ARVCF: variants seen among roughly 807,000 people sequenced by gnomAD.
ARVCF encodes the protein ARVCF delta catenin family member, also known as splicing regulator ARVCF.
ARVCF carries 66 observed loss-of-function variants against 90.9 expected under a neutral mutation model. The observed-to-expected ratio is 0.73, with a 90% CI of 0.60 to 0.89. The LOEUF is 0.89. ARVCF is among the 40% of genes least tolerant of loss of function. The probability of loss-of-function intolerance (pLI) is 0.00; values close to 1 mark genes in which losing one functional copy is unlikely to be tolerated. For missense variants in ARVCF, 1,469 were observed against 1,382.3 expected, an observed-to-expected ratio of 1.06 and a Z score of -1.00; for synonymous variants, 653 against 603.4, an observed-to-expected ratio of 1.08 and a Z score of -1.21.
intron 3 of ARVCF, among the ~76,000 whole-genome samples, chr22:19,988,526 G>A (rs545980204): frequency 2.0e-4 from 30 of 152,348 alleles, no homozygotes; most frequent in Non-Finnish European, 4.1e-4. Flanking sequence ...CTGTCTAGAG[G>A]AGGGGCCCCT....
chr22:19,975,137 C>G (rs1368396672), intron 11 of ARVCF, among the ~76,000 whole-genome samples: 1 of 152,232 alleles, frequency 6.6e-6, no homozygotes, highest in Non-Finnish European at 1.5e-5. Flanking sequence ...TACTCCCCCA[C>G]AGCCCTCCTG....
Position 19,971,891 on chromosome 22 carries a change from AG to A in ARVCF, c.2775del (p.Leu926Ter). On this transcript the variant is annotated frameshift_variant, in exon 18 of 20. Coordinates refer to ENST00000263207, the MANE Select transcript of ARVCF (RefSeq NM_001670.3). LOFTEE classifies it high-confidence loss of function. ...ACAGCCACATGACCACTTACTTTCA[AG>A]GGTTCCTTCTCAGAGGCCTCTCCTG... ...SSAGEASEKE[P>X]LKLDPSRKAP... The A allele has an allele frequency of 6.2e-7, 1 of 1,613,252 alleles. No homozygotes were observed. Among genetic ancestry groups the A allele is most frequent in the South Asian group, 1.1e-5 (1 of 91,088 alleles).
intron 16 of ARVCF, 136 bp downstream of exon 16, chr22:19,972,601 G>T: frequency 8.6e-7 from 1 of 1,158,004 alleles, no homozygotes; most frequent in Non-Finnish European, 1.2e-6. Context: ...TAGCCAAGAG[G>T]CAGAGGGCAG....
chr22:19,972,308 C>T, intron 17 of ARVCF, 50 bp downstream of exon 17: 2 of 1,612,770 alleles, frequency 1.2e-6, no homozygotes, highest in South Asian at 1.1e-5. Flanking sequence ...CACTTCAGGC[C>T]TTGGTCCCCT....
rs754547339 is a variant in ARVCF at position 19,973,630 on chromosome 22, C to A, written c.2239+13G>T. ...GTTCGGTGCCCAGGCGTGGGCTTTG[C>A]AGGCGTCCTCACCGATGAGGTCTTT... On this transcript the variant is annotated intron_variant, in intron 13 of 19. Transcript: ENST00000263207. The A allele has an allele frequency of 6.3e-7, 1 of 1,597,958 alleles. No homozygotes were observed.
chr22:19,986,601 G>C (rs2518826), intron 3 of ARVCF: 1 of 154,862 alleles, frequency 6.5e-6, no homozygotes, highest in Non-Finnish European at 1.4e-5. Flanking sequence ...AGCCGGCGTA[G>C]GGGGTGTGGA....
chr22:19,971,513 G>A (rs528693110), intron 18 of ARVCF, among the ~76,000 whole-genome samples, 178 bp from the exon 19 acceptor site: 57 of 152,320 alleles, frequency 3.7e-4, no homozygotes, highest in Non-Finnish European at 7.2e-4. Context: ...GCCCAGGGCG[G>A]GCACGTGCAC....
At chr22:19,968,850 C>A, downstream of ARVCF, 2 of 1,011,150 alleles carry the variant, frequency 2.0e-6, no homozygotes, top group East Asian at 5.2e-5. Context: ...GCAAAGCACA[C>A]CTCGGCCGAG....
chr22:20,006,757 G>A (rs989372747), intron 2 of ARVCF, among the ~76,000 whole-genome samples: 53 of 150,658 alleles, frequency 3.5e-4, no homozygotes, highest in African/African-American at 1.1e-3. Flanking sequence ...TCAGCCTCCC[G>A]AGTAGCTGGG....
downstream of ARVCF, chr22:19,968,937 T>TTA: frequency 8.5e-6 from 5 of 587,446 alleles, no homozygotes; most frequent in South Asian, 7.8e-5. Flanking sequence ...CATGACTTCT[T>TTA]TACTAACACT....
At chr22:19,980,634 GCTGT>G (rs1943440015) in intron 5 of ARVCF, 1 of 217,024 alleles carries the variant, frequency 4.6e-6, no homozygotes, top group South Asian at 1.6e-4. Flanking sequence ...CCCATCTCTG[GCTGT>G]GCCAGGATGT....
chr22:19,996,767 AG>A (rs1303357822), intron 2 of ARVCF, among the ~76,000 whole-genome samples: 3 of 152,218 alleles, frequency 2.0e-5, no homozygotes, highest in Admixed American at 6.5e-5. Flanking sequence ...GTGAAAGCAG[AG>A]GCCAGGGACC....
chr22:19,973,939 G>GT, intron 12 of ARVCF, 146 bp from the exon 13 acceptor site: 2 of 1,477,218 alleles, frequency 1.4e-6, no homozygotes, highest in Non-Finnish European at 1.8e-6. Context: ...CTCCACCGAG[G>GT]TTTTCCCACC....
rs745395576 is a variant in ARVCF, at chr22:19,981,591, A to G, written c.516T>C (p.Gly172=). 1 of 1,606,938 alleles carries G rather than the reference A, an allele frequency of 6.2e-7. No homozygotes were observed. Among genetic ancestry groups the G allele is most frequent in the South Asian group, 1.1e-5 (1 of 90,948 alleles). The change falls in exon 5 of 20, where the codon GGT becomes GGC. Residue 172 remains glycine, a synonymous_variant. Coordinates refer to ENST00000263207, the MANE Select transcript of ARVCF (RefSeq NM_001670.3). ...CTCGAGAGAGTGTGGCCACTGGGCCACCACCACGCAGCAGGAAATGCCGGT... is the reference window on the plus strand; with the variant it reads ...CTCGAGAGAGTGTGGCCACTGGGCCGCCACCACGCAGCAGGAAATGCCGGT... ...ALDRHFLLRG[G]GPVATLSRAY...
intron 1 of ARVCF, among the ~76,000 whole-genome samples, chr22:20,011,290 T>C (rs540613584): frequency 6.6e-6 from 1 of 152,216 alleles, no homozygotes; most frequent in Non-Finnish European, 1.5e-5. Context: ...GCCAGAGTGT[T>C]CATGTCATAA....
intron 2 of ARVCF, among the ~76,000 whole-genome samples, chr22:19,993,262 A>G (rs533095956): frequency 6.6e-5 from 10 of 152,316 alleles, no homozygotes; most frequent in Admixed American, 2.0e-4. Flanking sequence ...CTCCCCTGAC[A>G]TGGTGGACTC....
In ARVCF at chr22:19,972,959, A is replaced by C. The variant is rs770165446; in HGVS notation, c.2516T>G (p.Leu839Trp). Residue 839 changes from leucine to tryptophan, a missense_variant, in exon 15 of 20, where the codon TTG becomes TGG. Transcript: ENST00000263207. ...VWSYKELRGTLQKDGWTKARF... is the reference protein window; with the variant it reads ...VWSYKELRGTWQKDGWTKARF... Reference sequence around the variant, plus strand: ...CGCCTTGGTCCAACCATCTTTCTGCAAGGTACCACGCAGCTCCTTGTAGCT... The same window carrying C: ...CGCCTTGGTCCAACCATCTTTCTGCCAGGTACCACGCAGCTCCTTGTAGCT... 1.9e-6 allele frequency: 3 copies of C among 1,613,816 alleles called. No homozygotes were observed. The highest frequency in any genetic ancestry group is 2.2e-5 in the East Asian group (1 of 44,866).
rs542660635 is a variant in ARVCF, at chr22:19,972,109, G to T, written c.2696-138C>A. On this transcript the variant is annotated intron_variant, in intron 17 of 19. Transcript: ENST00000263207. Reference sequence around the variant, plus strand: ...CAGCCCCCACCCACCCTGTCCTGGAGATCCAGGCTGGTGCCAGCTCTCACC... The same window carrying T: ...CAGCCCCCACCCACCCTGTCCTGGATATCCAGGCTGGTGCCAGCTCTCACC... 155 of 934,452 alleles carry T rather than the reference G, an allele frequency of 1.7e-4. No homozygotes were observed. In the South Asian group the frequency reaches 1.7e-3, roughly 10 times the overall value. The allele number at this position is 934,452 out of a possible 1,614,324, so 57.9% of individuals were successfully genotyped here.
In ARVCF at chr22:19,977,945, C is replaced by G. The variant is rs762550716; in HGVS notation, c.1698+13G>C. On this transcript the variant is annotated intron_variant, in intron 8 of 19. Transcript: ENST00000263207. ...CCAGCCCTTGGTATGAGGCTGTGAC[C>G]GTCCCTGCCCACCTTGTTGTCAGTG... is the stretch of plus-strand genomic sequence containing the variant. 6.3e-7 allele frequency: 1 copy of G among 1,593,464 alleles called. No individual in the cohort carries two copies. The highest frequency in any genetic ancestry group is 1.1e-5 in the South Asian group (1 of 88,398).
Sources: gnomAD v4.1 joint callset for allele counts (sites outside exome capture counted in the v4.1 genomes callset) on GRCh38, gnomAD v4.1.1 for gene constraint, MANE v1.5 for transcripts, NCBI Gene and HGNC (gene_info 2026-07-23, HGNC 2026-07-21) for gene names.